WWP1: variants seen among roughly 807,000 people sequenced by gnomAD.
The protein encoded by WWP1 is NEDD4-like E3 ubiquitin-protein ligase WWP1.
WWP1 carries 49 observed loss-of-function variants against 130.6 expected under a neutral mutation model. That is an observed-to-expected ratio of 0.38 (90% CI 0.30 to 0.48). The LOEUF (loss-of-function observed/expected upper bound fraction) is 0.48, where lower values mean the gene tolerates loss of function less well. Ranked by LOEUF, WWP1 falls within the 20% of genes least tolerant of loss-of-function variation. WWP1 has a pLI of 0.99. For synonymous variants in WWP1, 332 were observed against 367.8 expected (o/e 0.90, Z 1.11); for missense variants, 809 against 1,100.6 (o/e 0.74, Z 3.75).
intron 1 of WWP1, among the ~76,000 whole-genome samples, chr8:86,350,197 A>G (rs567243334): frequency 7.2e-5 from 11 of 152,272 alleles, no homozygotes; most frequent in Admixed American, 1.3e-4. Flanking sequence ...ATTGATTGCT[A>G]TCTGGGTTTT....
At chr8:86,364,746 CAG>C (rs1420205943) in intron 1 of WWP1, among the ~76,000 whole-genome samples, 5 of 151,136 alleles carry the variant, frequency 3.3e-5, no homozygotes, top group African/African-American at 9.8e-5. Context: ...TTAGACCCTA[CAG>C]TGAGCCATGA....
At chr8:86,362,089 T>TATATATATACACATATATACACAC (rs1232457675) in intron 1 of WWP1, among the ~76,000 whole-genome samples, 18 of 127,064 alleles carry the variant, frequency 1.4e-4, no homozygotes, top group African/African-American at 4.8e-4. Context: ...TATACACACA[T>TATATATATACACATATATACACAC]ATATATATAC....
chr8:86,372,376 T>C (rs1000673863), intron 2 of WWP1, among the ~76,000 whole-genome samples: 2 of 152,108 alleles, frequency 1.3e-5, no homozygotes, highest in Non-Finnish European at 2.9e-5. Context: ...GCCAGGCGGG[T>C]CTTGAACTCC....
At chr8:86,362,128 A>T (rs2130209987) in intron 1 of WWP1, among the ~76,000 whole-genome samples, 1 of 132,460 alleles carries the variant, frequency 7.5e-6, no homozygotes, top group African/African-American at 2.8e-5. Flanking sequence ...CACTAGGCAT[A>T]TGTATATATA....
chr8:86,412,685 G>A (rs1808653102), intron 9 of WWP1, among the ~76,000 whole-genome samples: 1 of 142,628 alleles, frequency 7.0e-6, no homozygotes, highest in Non-Finnish European at 1.5e-5. Context: ...CAGTCACTAT[G>A]TTAGTGTACG....
intron 1 of WWP1, among the ~76,000 whole-genome samples, chr8:86,352,733 C>A (rs575554251): frequency 2.0e-5 from 3 of 152,110 alleles, no homozygotes; most frequent in African/African-American, 4.8e-5. Context: ...TCTGAACCTT[C>A]CAGATGTTTA....
chr8:86,372,223 C>T (rs1400150151), intron 2 of WWP1, among the ~76,000 whole-genome samples: 3 of 151,638 alleles, frequency 2.0e-5, no homozygotes, highest in South Asian at 4.2e-4. Flanking sequence ...GGGGTTTCAC[C>T]GTGTTACCCA....
At chr8:86,406,461 T>A (rs1808284370) in intron 8 of WWP1, among the ~76,000 whole-genome samples, 1 of 152,174 alleles carries the variant, frequency 6.6e-6, no homozygotes, top group African/African-American at 2.4e-5. Context: ...GTTTATTATA[T>A]TTTTTTCTTA....
At chr8:86,462,879 GAAA>G (rs796454840) in intron 24 of WWP1, among the ~76,000 whole-genome samples, 2 of 111,760 alleles carry the variant, frequency 1.8e-5, no homozygotes, top group East Asian at 2.5e-4. Context: ...GAGGTTTAAA[GAAA>G]AAAAAAAAAA....
chr8:86,383,714 C>T (rs534226138), intron 5 of WWP1, among the ~76,000 whole-genome samples: 1 of 152,260 alleles, frequency 6.6e-6, no homozygotes, highest in South Asian at 2.1e-4. Context: ...GCACTCCAAG[C>T]CTGGGCTACA....
Position 86,448,444 on chromosome 8 carries a change from C to A in WWP1, c.2204C>A (p.Thr735Asn), listed in dbSNP as rs779890636. 4.5e-5 allele frequency: 72 copies of A among 1,613,586 alleles called. No individual in the cohort carries two copies. Among genetic ancestry groups the A allele is most frequent in the Non-Finnish European group, 6.0e-5 (71 of 1,179,886 alleles). ...GACATGGAGATTTTGGGAAAAGTTA[C>A]TTCACATGACCTGAAGTTGGGAGGT... ...SVDMEILGKVTSHDLKLGGSN... is the reference protein window; with the variant it reads ...SVDMEILGKVNSHDLKLGGSN... Residue 735 changes from threonine to asparagine, a missense_variant, in exon 20 of 25, where the codon ACT becomes AAT. Transcript: ENST00000517970.
chr8:86,375,435 C>T (rs749925332), intron 3 of WWP1, among the ~76,000 whole-genome samples: 23 of 152,122 alleles, frequency 1.5e-4, no homozygotes, highest in Non-Finnish European at 2.5e-4. Context: ...TGTAGGTTCA[C>T]ATTTTTATTA....
At chr8:86,465,918 T>C (rs1586534815) in intron 24 of WWP1, among the ~76,000 whole-genome samples, 1 of 152,202 alleles carries the variant, frequency 6.6e-6, no homozygotes, top group Non-Finnish European at 1.5e-5. Context: ...TCAAAGGCTC[T>C]TTCCTGACTC....
intron 11 of WWP1, among the ~76,000 whole-genome samples, chr8:86,428,603 T>C (rs180758491): frequency 6.6e-6 from 1 of 152,304 alleles, no homozygotes; most frequent in African/African-American, 2.4e-5. Context: ...CACATTTTTT[T>C]CAGAGGTTAA....
intron 5 of WWP1, among the ~76,000 whole-genome samples, chr8:86,385,253 G>A (rs1825212022): frequency 6.6e-6 from 1 of 152,170 alleles, no homozygotes; most frequent in South Asian, 2.1e-4. Context: ...GTATATTTGT[G>A]TATAAGGCTC....
intron 1 of WWP1, among the ~76,000 whole-genome samples, chr8:86,343,930 A>C (rs1822403547): frequency 6.6e-6 from 1 of 151,442 alleles, no homozygotes; most frequent in African/African-American, 2.4e-5. Flanking sequence ...TGGTGTTTTT[A>C]CCTGAAATAG....
chr8:86,436,643 A>G lies in WWP1; in HGVS notation c.1749+939A>G, dbSNP rs368311644. Among the ~76,000 whole-genome samples, 79 of 152,370 alleles carry G rather than the reference A, an allele frequency of 5.2e-4. No individual in the cohort carries two copies. The East Asian group carries it at 0.013, about 25-fold the overall frequency. On this transcript the variant is annotated intron_variant, in intron 16 of 24. Coordinates refer to ENST00000517970, the MANE Select transcript of WWP1 (RefSeq NM_007013.4). ...CAATAAATATTTGATGAACAAATAAATGAATGCAGTATTTCTTCCTTTCAT... is the reference window on the plus strand; with the variant it reads ...CAATAAATATTTGATGAACAAATAAGTGAATGCAGTATTTCTTCCTTTCAT...
At chr8:86,382,810 A>G (rs1825057838) in intron 5 of WWP1, among the ~76,000 whole-genome samples, 1 of 152,224 alleles carries the variant, frequency 6.6e-6, no homozygotes, top group South Asian at 2.1e-4. Flanking sequence ...GTAGCTTGTA[A>G]CAGTTCACTA....
chr8:86,395,109 G>GTA (rs2130464395), intron 5 of WWP1, among the ~76,000 whole-genome samples: 1 of 152,160 alleles, frequency 6.6e-6, no homozygotes, highest in Admixed American at 6.5e-5. Context: ...ACTCTTGGGC[G>GTA]TACCATCAAA....
Sources: allele counts gnomAD v4.1 joint callset (sites outside exome capture counted in the v4.1 genomes callset), GRCh38; gene constraint gnomAD v4.1.1; transcripts MANE v1.5; gene names NCBI Gene and HGNC (gene_info 2026-07-23, HGNC 2026-07-21).